The following MCU variants were observed in gnomAD, a reference collection of about 807,000 sequenced individuals.
MCU encodes the protein mitochondrial calcium uniporter, also known as calcium uniporter protein, mitochondrial.
A neutral mutation model predicts 45.2 loss-of-function variants in MCU; 12 were observed. That is an observed-to-expected ratio of 0.27 (90% confidence interval 0.17 to 0.43). MCU has a LOEUF of 0.43. Ranked by LOEUF, MCU falls within the 20% of genes least tolerant of loss-of-function variation. The pLI is 1.00. For missense variants in MCU, 324 were observed against 436.7 expected (o/e 0.74, Z 2.30); for synonymous variants, 160 against 165.1 (o/e 0.97, Z 0.24).
chr10:72,763,521 A>G (rs1300827699), intron 1 of MCU, among the ~76,000 whole-genome samples: 2 of 152,148 alleles, frequency 1.3e-5, no homozygotes, highest in African/African-American at 2.4e-5. Flanking sequence ...TTTATTTTTT[A>G]AAGAATCACA....
intron 2 of MCU, among the ~76,000 whole-genome samples, chr10:72,835,051 G>A (rs1844936734): frequency 6.6e-6 from 1 of 152,182 alleles, no homozygotes; most frequent in African/African-American, 2.4e-5. Context: ...TATGGATAAT[G>A]ATCAAACACT....
chr10:72,868,729 A>T lies in MCU; in HGVS notation c.523A>T (p.Thr175Ser). 1 of 1,613,994 alleles carries T rather than the reference A, an allele frequency of 6.2e-7. No homozygotes were observed. Among genetic ancestry groups the T allele is most frequent in the African/African-American group, 1.3e-5 (1 of 75,042 alleles). Residue 175 changes from threonine (T) to serine (S), a missense_variant, in exon 5 of 8, where the codon ACG becomes TCG. Physicochemically the swap from Thr to Ser is moderately conservative, Grantham distance 58. Coordinates refer to ENST00000373053, the MANE Select transcript of MCU (RefSeq NM_138357.3). ...RDLLSHENAA[T>S]LNDVKTLVQQ... ...CCTCTTAAGTCATGAAAATGCAGCA[A>T]CGCTGAATGATGTAAAGACATTGGT...
At chr10:72,721,911 C>T (rs1036314279) in intron 1 of MCU, among the ~76,000 whole-genome samples, 1 of 152,078 alleles carries the variant, frequency 6.6e-6, no homozygotes, top group Non-Finnish European at 1.5e-5. Context: ...ATAAACAAAT[C>T]AGTTTGGGCC....
intron 1 of MCU, among the ~76,000 whole-genome samples, chr10:72,726,173 C>T (rs1207777785): frequency 2.6e-5 from 4 of 151,806 alleles, no homozygotes; most frequent in Admixed American, 6.6e-5. Context: ...TAGATAGAAT[C>T]GTAGGCATTG....
At chr10:72,827,394 G>A (rs1196715513) in intron 1 of MCU, among the ~76,000 whole-genome samples, 1 of 152,128 alleles carries the variant, frequency 6.6e-6, no homozygotes, top group Non-Finnish European at 1.5e-5. Context: ...TATATATGGA[G>A]AAATTTGTAT....
intron 1 of MCU, among the ~76,000 whole-genome samples, chr10:72,775,176 A>G (rs931531894): frequency 3.3e-5 from 5 of 152,316 alleles, no homozygotes; most frequent in African/African-American, 4.8e-5. Context: ...TTTTTAAAAA[A>G]CAGAAATAAT....
intron 2 of MCU, among the ~76,000 whole-genome samples, chr10:72,858,425 G>C (rs575367265): frequency 2.2e-4 from 34 of 152,126 alleles, no homozygotes; most frequent in African/African-American, 8.2e-4. Flanking sequence ...GTGGCCTCTT[G>C]TCAGGCAAAA....
At chr10:72,822,060 G>C (rs1248831378) in intron 1 of MCU, among the ~76,000 whole-genome samples, 8 of 152,120 alleles carry the variant, frequency 5.3e-5, no homozygotes, top group Non-Finnish European at 1.2e-4. Context: ...CAGATCACCT[G>C]AGGTCAGGAG....
At chr10:72,867,379 A>G (rs1185398564) in intron 4 of MCU, among the ~76,000 whole-genome samples, 2 of 152,190 alleles carry the variant, frequency 1.3e-5, no homozygotes, top group African/African-American at 4.8e-5. Context: ...TTCTAGAAAT[A>G]CATGCTACTC....
chr10:72,772,907 T>G (rs1843833277), intron 1 of MCU, among the ~76,000 whole-genome samples: 2 of 131,662 alleles, frequency 1.5e-5, no homozygotes, highest in East Asian at 4.4e-4. Context: ...GTTTGTTTGT[T>G]TGTTTGTTTT....
At position 72,871,434 on chromosome 10, in the gene MCU, G is replaced by A; in HGVS notation, c.715G>A (p.Gly239Ser). ...EKRTTLVLWGGLAYMATQFGI... is the reference protein window; with the variant it reads ...EKRTTLVLWGSLAYMATQFGI... Reference sequence around the variant, plus strand: ...GAGGACCACTTTGGTGCTATGGGGTGGCCTTGCCTACATGGCCACACAGTT... The same window carrying A: ...GAGGACCACTTTGGTGCTATGGGGTAGCCTTGCCTACATGGCCACACAGTT... Residue 239 changes from glycine to serine, a missense_variant, in exon 6 of 8, where the codon GGC becomes AGC. Around this residue, in one of 4 missense-constraint regions of MCU, gnomAD observed 135 missense variants for 207.3 expected, o/e 0.65. Coordinates refer to ENST00000373053, the MANE Select transcript of MCU (RefSeq NM_138357.3). The A allele has an allele frequency of 6.2e-7, 1 of 1,614,162 alleles. No homozygotes were observed. Among genetic ancestry groups the A allele is most frequent in the Non-Finnish European group, 8.5e-7 (1 of 1,180,018 alleles).
At chr10:72,749,402 A>G (rs1439297582) in intron 1 of MCU, among the ~76,000 whole-genome samples, 4 of 152,226 alleles carry the variant, frequency 2.6e-5, no homozygotes, top group Non-Finnish European at 5.9e-5. Flanking sequence ...GGTATTTACT[A>G]GAGTGTGAAG....
intron 1 of MCU, among the ~76,000 whole-genome samples, chr10:72,746,460 T>C (rs1042083656): frequency 6.6e-6 from 1 of 152,228 alleles, no homozygotes; most frequent in Non-Finnish European, 1.5e-5. Context: ...CACTTTTCAG[T>C]TGGATAAATC....
intron 1 of MCU, among the ~76,000 whole-genome samples, chr10:72,758,172 G>A (rs1843604941): frequency 2.0e-5 from 3 of 152,160 alleles, no homozygotes; most frequent in Non-Finnish European, 2.9e-5. Context: ...GATAGAAAGA[G>A]CTCTTCCTTT....
intron 1 of MCU, among the ~76,000 whole-genome samples, chr10:72,722,365 T>C (rs3009547): frequency 0.52 from 76,413 of 146,526 alleles, 21,985 homozygotes; most frequent in Non-Finnish European, 0.67. Context: ...TCTTATGAAC[T>C]AGATGCCACC....
chr10:72,881,868 T>C (rs141642411), intron 6 of MCU, among the ~76,000 whole-genome samples: 72 of 152,254 alleles, frequency 4.7e-4, no homozygotes, highest in Admixed American at 9.2e-4. Context: ...CACAGCAGGA[T>C]TGTACATAAT....
intron 1 of MCU, among the ~76,000 whole-genome samples, chr10:72,808,908 C>G (rs1446988513): frequency 6.6e-6 from 1 of 152,144 alleles, no homozygotes; most frequent in Non-Finnish European, 1.5e-5. Context: ...CCCACCAGGT[C>G]CCCCTACCGA....
rs113175602 is a variant in MCU at position 72,866,073 on chromosome 10, G to A, written c.497-2630G>A. Among the ~76,000 whole-genome samples the A allele has an allele frequency of 1.2e-3, 174 of 149,818 alleles. 1 individual carries two copies. Among genetic ancestry groups the A allele is most frequent in the African/African-American group, 3.8e-3 (156 of 41,280 alleles). The stretch of plus-strand genomic sequence containing the variant: ...ATTACAGGTGTGAGCCACCACGCCC[G>A]GCCTTCCCTGGTTTTTAAACATAGT... On this transcript the variant is annotated intron_variant, in intron 4 of 7. Coordinates refer to ENST00000373053, the MANE Select transcript of MCU (RefSeq NM_138357.3).
chr10:72,807,278 C>T (rs1844467125), intron 1 of MCU, among the ~76,000 whole-genome samples: 1 of 151,886 alleles, frequency 6.6e-6, no homozygotes, highest in Admixed American at 6.6e-5. Context: ...GCTGAACTAA[C>T]ACTTAAATGA....
Sources: gnomAD v4.1 joint callset for allele counts (sites outside exome capture counted in the v4.1 genomes callset) on GRCh38, gnomAD v4.1.1 for gene constraint, gnomAD v4.1.1 regional missense constraint, MANE v1.5 for transcripts, NCBI Gene and HGNC (gene_info 2026-07-23, HGNC 2026-07-21) for gene names.